Variants in TAOK1 observed in about 807,000 individuals in gnomAD.
The protein encoded by TAOK1 is serine/threonine-protein kinase TAO1.
TAOK1 carries 21 observed loss-of-function variants against 138.3 expected under a neutral mutation model. The observed-to-expected ratio is 0.15, with a 90% confidence interval of 0.11 to 0.22. The LOEUF (loss-of-function observed/expected upper bound fraction) is 0.22. Among genes scored for constraint, TAOK1 ranks in the 10% least tolerant of loss-of-function variants. The pLI, the probability that TAOK1 is intolerant of heterozygous loss-of-function variation, is 1.00. For missense variants in TAOK1, 651 were observed against 1,227.7 expected (o/e 0.53, Z 7.02); for synonymous variants, 361 against 398.4 (o/e 0.91, Z 1.12).
At chr17:29,425,682 CAAACAAAAA>C (rs1905612579) in intron 1 of TAOK1, among the ~76,000 whole-genome samples, 1 of 126,014 alleles carries the variant, frequency 7.9e-6, no homozygotes. Flanking sequence ...AACAAACAAA[CAAACAAAAA>C]AACCAAACTT....
intron 8 of TAOK1, among the ~76,000 whole-genome samples, chr17:29,486,308 T>C (rs2031172549): frequency 1.3e-5 from 2 of 151,976 alleles, no homozygotes; most frequent in African/African-American, 4.8e-5. Context: ...AAAAAAAGTT[T>C]AGTAGTAGCT....
chr17:29,455,932 G>T (rs1032580385), intron 2 of TAOK1, among the ~76,000 whole-genome samples: 1 of 150,208 alleles, frequency 6.7e-6, no homozygotes, highest in Admixed American at 6.6e-5. Context: ...TAGTTTTCTT[G>T]TGATGTCTTT....
chr17:29,468,398 A>G (rs576034563), intron 3 of TAOK1, among the ~76,000 whole-genome samples: 1 of 151,826 alleles, frequency 6.6e-6, no homozygotes, highest in Non-Finnish European at 1.5e-5. Flanking sequence ...CGGCCTCCCA[A>G]AGTGCTTGGA....
chr17:29,515,785 G>A lies in TAOK1; in HGVS notation c.1705-1668G>A, dbSNP rs528239464. On this transcript the variant is annotated intron_variant, in intron 15 of 19. Transcript: ENST00000261716. ...CAGGAGGTGGAGGTTGCAGTGAGCCGAGATCGCGCCACTGCACTCCAGCCT... is the reference window on the plus strand; with the variant it reads ...CAGGAGGTGGAGGTTGCAGTGAGCCAAGATCGCGCCACTGCACTCCAGCCT... 3.3e-5 allele frequency among the ~76,000 whole-genome samples: 5 copies of A among 151,708 alleles called. No homozygotes were observed. In the East Asian group the frequency reaches 7.9e-4, roughly 24 times the overall value.
intron 1 of TAOK1, among the ~76,000 whole-genome samples, chr17:29,405,203 G>T (rs557171039): frequency 9.9e-5 from 15 of 152,198 alleles, no homozygotes; most frequent in African/African-American, 3.4e-4. Flanking sequence ...GGTCAGGCTA[G>T]TCTCAAACTC....
chr17:29,480,596 C>CAATG (rs1286259738), intron 7 of TAOK1, 115 bp downstream of exon 7: 5 of 811,884 alleles, frequency 6.2e-6, no homozygotes, highest in South Asian at 1.9e-5. Flanking sequence ...CGGCCAGGTG[C>CAATG]AATGGCTCAC....
chr17:29,518,358 A>G (rs1392028138), intron 16 of TAOK1, among the ~76,000 whole-genome samples: 1 of 152,132 alleles, frequency 6.6e-6, no homozygotes, highest in African/African-American at 2.4e-5. Context: ...TGTGGTGTGC[A>G]CCTGTAGTGC....
In TAOK1 at chr17:29,420,629, A is replaced by G. The variant is rs556201129; in HGVS notation, c.-95+29605A>G. Among the ~76,000 whole-genome samples the G allele has an allele frequency of 3.1e-4, 40 of 128,516 alleles. No individual in the cohort carries two copies. In the South Asian group the frequency reaches 9.2e-3, roughly 30 times the overall value. 84.3% of individuals were successfully genotyped at this position (128,516 alleles called of 152,430 possible). A position where few individuals can be genotyped will look rare whatever the true frequency, so the allele number is the denominator to read the frequency against. ...AGACGAAGTTTCGCTCTTGTTGCCC[A>G]GGCTAGAGTGCAATGGCACGATCTC... On this transcript the variant is annotated intron_variant, in intron 1 of 19. Transcript: ENST00000261716.
chr17:29,428,591 A>G (rs1472699545), intron 1 of TAOK1, among the ~76,000 whole-genome samples: 1 of 152,166 alleles, frequency 6.6e-6, no homozygotes, highest in African/African-American at 2.4e-5. Context: ...AACTTCAAGT[A>G]TAATTTGAGG....
At chr17:29,505,636 A>C (rs1276522566) in intron 13 of TAOK1, among the ~76,000 whole-genome samples, 1 of 152,114 alleles carries the variant, frequency 6.6e-6, no homozygotes, top group Admixed American at 6.6e-5. Context: ...TGAGAGGCGG[A>C]GGTTGCAGTG....
intron 1 of TAOK1, among the ~76,000 whole-genome samples, chr17:29,429,038 T>G (rs928721554): frequency 6.6e-6 from 1 of 152,114 alleles, no homozygotes; most frequent in East Asian, 1.9e-4. Context: ...TTTGATTATT[T>G]TTTTGTTTGA....
intron 13 of TAOK1, among the ~76,000 whole-genome samples, chr17:29,507,609 A>G (rs957515621): frequency 1.5e-4 from 23 of 152,194 alleles, no homozygotes; most frequent in Admixed American, 4.6e-4. Flanking sequence ...TACTTAGCCT[A>G]TCTTAAAGCC....
At chr17:29,397,626 A>ACATGTATACATGTATACATG (rs58767952) in intron 1 of TAOK1, among the ~76,000 whole-genome samples, 6 of 107,458 alleles carry the variant, frequency 5.6e-5, no homozygotes, top group African/African-American at 1.3e-4. Context: ...ATATATATAT[A>ACATGTATACATGTATACATG]TATACATGTA....
At position 29,475,569 on chromosome 17, in the gene TAOK1, G is replaced by A. The variant is rs990345470; in HGVS notation, c.205-101G>A. The A allele has an allele frequency of 3.8e-6, 3 of 793,662 alleles. No homozygotes were observed. In the African/African-American group the frequency reaches 5.4e-5, roughly 14 times the overall value. The allele number at this position is 793,662 out of a possible 1,614,324, so 49.2% of individuals were successfully genotyped here. A position where few individuals can be genotyped will look rare whatever the true frequency, so the allele number is the denominator to read the frequency against. On this transcript the variant is annotated intron_variant, in intron 3 of 19. Transcript: ENST00000261716. ...TAAGTAAAACCAAGCAAAGTTGCATGTTCTTGTTAACTCTTCTAAATTTAG... is the reference window on the plus strand; with the variant it reads ...TAAGTAAAACCAAGCAAAGTTGCATATTCTTGTTAACTCTTCTAAATTTAG...
At chr17:29,412,162 C>T (rs1381895960) in intron 1 of TAOK1, among the ~76,000 whole-genome samples, 1 of 152,158 alleles carries the variant, frequency 6.6e-6, no homozygotes, top group Non-Finnish European at 1.5e-5. Flanking sequence ...CCTGCCTCGG[C>T]CTCCCGAGTA....
At chr17:29,431,413 A>T (rs548657249) in intron 1 of TAOK1, among the ~76,000 whole-genome samples, 1 of 151,948 alleles carries the variant, frequency 6.6e-6, no homozygotes, top group African/African-American at 2.4e-5. Context: ...CTGCACTCCA[A>T]CCCGGGCAAC....
intron 8 of TAOK1, among the ~76,000 whole-genome samples, chr17:29,484,360 A>C (rs981025163): frequency 1.3e-5 from 2 of 152,224 alleles, no homozygotes; most frequent in Non-Finnish European, 2.9e-5. Flanking sequence ...TGAAGTGCTA[A>C]GTCAGGAACT....
intron 3 of TAOK1, among the ~76,000 whole-genome samples, chr17:29,468,201 A>AC (rs1360436538): frequency 7.5e-6 from 1 of 133,134 alleles, no homozygotes; most frequent in African/African-American, 3.0e-5. Flanking sequence ...CAGTGGTGCG[A>AC]TCTCAGCTCA....
chr17:29,512,361 T>G (rs1336317823), intron 15 of TAOK1: 1 of 145,820 alleles, frequency 6.9e-6, no homozygotes, highest in Admixed American at 7.0e-5. Context: ...CTCCCGGCTC[T>G]TGTGCTGCTT....
Sources: gnomAD v4.1 joint callset for allele counts (sites outside exome capture counted in the v4.1 genomes callset) on GRCh38, gnomAD v4.1.1 for gene constraint, MANE v1.5 for transcripts, NCBI Gene and HGNC (gene_info 2026-07-23, HGNC 2026-07-21) for gene names.